The following FER variants were observed in gnomAD, a reference collection of about 807,000 sequenced individuals.
The protein encoded by FER is tyrosine-protein kinase Fer.
A neutral mutation model predicts 111.0 loss-of-function variants in FER; 63 were observed. The observed-to-expected ratio is 0.57, with a 90% confidence interval of 0.46 to 0.70. The LOEUF (loss-of-function observed/expected upper bound fraction) is 0.70. Among genes scored for constraint, FER ranks in the 30% least tolerant of loss-of-function variants. FER has a pLI of 0.00. For synonymous variants in FER, 327 were observed against 313.9 expected (o/e 1.04, Z -0.44); for missense variants, 914 against 954.0 (o/e 0.96, Z 0.55).
chr5:108,784,271 C>T (rs1015125983), intron 2 of FER: 3 of 153,108 alleles, frequency 2.0e-5, no homozygotes, highest in African/African-American at 4.8e-5. Flanking sequence ...ACAACATGCT[C>T]TGTGGGGTCA....
At chr5:108,884,392 G>A (rs1746738427) in intron 9 of FER, among the ~76,000 whole-genome samples, 1 of 151,818 alleles carries the variant, frequency 6.6e-6, no homozygotes, top group African/African-American at 2.4e-5. Context: ...AGAAACATTG[G>A]ATGACATTTT....
At chr5:108,915,302 G>T (rs371098934) in intron 10 of FER, among the ~76,000 whole-genome samples, 2 of 151,916 alleles carry the variant, frequency 1.3e-5, no homozygotes, top group Admixed American at 6.6e-5. Flanking sequence ...GTGAAATCCC[G>T]TCTCTACTAA....
chr5:108,844,144 G>GTGTGAACACATA (rs1761632579), intron 5 of FER, among the ~76,000 whole-genome samples: 1 of 91,828 alleles, frequency 1.1e-5, no homozygotes, highest in Admixed American at 1.0e-4. Context: ...GAACATATAT[G>GTGTGAACACATA]TGTGTGTGAA....
intron 3 of FER, among the ~76,000 whole-genome samples, chr5:108,803,959 G>A (rs1025897924): frequency 2.4e-4 from 36 of 152,140 alleles, no homozygotes; most frequent in Middle Eastern, 6.8e-3. Flanking sequence ...CTTTCAGACC[G>A]TCCGCACAGA....
intron 5 of FER, among the ~76,000 whole-genome samples, chr5:108,840,214 A>G (rs1038760154): frequency 1.3e-5 from 2 of 152,188 alleles, no homozygotes; most frequent in Non-Finnish European, 2.9e-5. Context: ...TGCAATTATC[A>G]TTTCTAATAA....
chr5:108,816,046 A>G (rs1758234106), intron 3 of FER, among the ~76,000 whole-genome samples: 1 of 152,094 alleles, frequency 6.6e-6, no homozygotes, highest in Admixed American at 6.6e-5. Flanking sequence ...GTCTTAACTA[A>G]GTAACTAACT....
intron 17 of FER, among the ~76,000 whole-genome samples, chr5:109,126,036 G>A (rs1751677852): frequency 6.6e-6 from 1 of 151,952 alleles, no homozygotes. Context: ...GATACAGCCA[G>A]TAATTGGCTG....
chr5:109,107,182 T>C lies in FER; in HGVS notation c.2048+6663T>C, dbSNP rs1326605808. On this transcript the variant is annotated intron_variant, in intron 17 of 19. Transcript: ENST00000281092. ...TATTCTTCCTCATTTCTGACTTTTT[T>C]CCAGTCAATTACAATAAGTACATTT... Among the ~76,000 whole-genome samples, 6 of 152,198 alleles carry C rather than the reference T, an allele frequency of 3.9e-5. No individual in the cohort carries two copies. The South Asian group carries it at 1.0e-3, about 26-fold the overall frequency.
intron 17 of FER, among the ~76,000 whole-genome samples, chr5:109,122,537 A>T (rs72796577): frequency 0.025 from 3,725 of 150,256 alleles, 66 homozygotes; most frequent in Non-Finnish European, 0.036. Flanking sequence ...AAAAAAAGGC[A>T]TGTTCTGCAG....
chr5:108,871,272 C>G, intron 6 of FER, 93 bp from the exon 7 acceptor site: 4 of 1,025,366 alleles, frequency 3.9e-6, no homozygotes, highest in Non-Finnish European at 5.7e-6. Flanking sequence ...TTCAACATTA[C>G]ATTTCTTATG....
chr5:108,845,425 T>C (rs1262063926), intron 5 of FER, among the ~76,000 whole-genome samples: 2 of 151,938 alleles, frequency 1.3e-5, no homozygotes, highest in Admixed American at 6.6e-5. Context: ...TCAAGTGATA[T>C]GCCTGCTCGG....
intron 16 of FER, among the ~76,000 whole-genome samples, chr5:109,097,535 A>C (rs1295127265): frequency 6.6e-6 from 1 of 151,930 alleles, no homozygotes; most frequent in Admixed American, 6.6e-5. Context: ...ATATATCACA[A>C]ATTCTAAGAG....
chr5:109,074,793 C>G (rs1776137416), intron 16 of FER, among the ~76,000 whole-genome samples: 1 of 152,196 alleles, frequency 6.6e-6, no homozygotes, highest in African/African-American at 2.4e-5. Context: ...TGGCATGAAT[C>G]ATTTTTCAGA....
rs766702172 is a variant in FER at position 108,927,252 on chromosome 5, C to CTTTTTTTTTTTTTT, written c.1237-18872_1237-18859dup. Among the ~76,000 whole-genome samples, 183 of 95,230 alleles carry CTTTTTTTTTTTTTT rather than the reference C, an allele frequency of 1.9e-3. 38 individuals are homozygous for CTTTTTTTTTTTTTT. The highest frequency in any genetic ancestry group is 9.1e-3 in the African/African-American group (157 of 17,256). 62.5% of individuals were successfully genotyped at this position (95,230 alleles called of 152,430 possible). A position where few individuals can be genotyped will look rare whatever the true frequency, so the allele number is the denominator to read the frequency against. On this transcript the variant is annotated intron_variant, in intron 10 of 19. Transcript: ENST00000281092. ...TGTAATTCAGCATTGAGAAGTGGCTCTTTTTTTTTTTTTTTTTTTGAGACG... is the reference window on the plus strand; with the variant it reads ...TGTAATTCAGCATTGAGAAGTGGCTCTTTTTTTTTTTTTTTTTTTTTTTTTTTTTTTTTGAGACG...
intron 10 of FER, among the ~76,000 whole-genome samples, chr5:108,920,074 G>A (rs1267132033): frequency 2.6e-5 from 4 of 152,052 alleles, no homozygotes; most frequent in African/African-American, 4.8e-5. Context: ...CCTTATTATA[G>A]ATATTTTAGT....
intron 3 of FER, among the ~76,000 whole-genome samples, chr5:108,832,517 T>TA (rs1204412788): frequency 6.6e-6 from 1 of 152,196 alleles, no homozygotes; most frequent in Non-Finnish European, 1.5e-5. Context: ...TGTGGACTCT[T>TA]AAAGAGTCCC....
At chr5:109,124,786 C>T (rs1751474106) in intron 17 of FER, among the ~76,000 whole-genome samples, 1 of 152,072 alleles carries the variant, frequency 6.6e-6, no homozygotes, top group Admixed American at 6.5e-5. Context: ...GTGGCTCACG[C>T]CTGTAATCCC....
At chr5:109,122,159 T>C (rs188857189) in intron 17 of FER, among the ~76,000 whole-genome samples, 35 of 152,246 alleles carry the variant, frequency 2.3e-4, no homozygotes, top group Admixed American at 2.3e-3. Flanking sequence ...GATACATCAT[T>C]AAGTTGTTTA....
At chr5:108,924,956 A>C (rs1253188358) in intron 10 of FER, among the ~76,000 whole-genome samples, 1 of 152,128 alleles carries the variant, frequency 6.6e-6, no homozygotes, top group African/African-American at 2.4e-5. Flanking sequence ...GCTATCACTT[A>C]GATGCTAAAC....
Sources: gnomAD v4.1 joint callset for allele counts (sites outside exome capture counted in the v4.1 genomes callset) on GRCh38, gnomAD v4.1.1 for gene constraint, MANE v1.5 for transcripts, NCBI Gene and HGNC (gene_info 2026-07-23, HGNC 2026-07-21) for gene names.